The following PCDHGA5 variants were observed in gnomAD, a reference collection of about 807,000 sequenced individuals.
PCDHGA5 encodes the protein protocadherin gamma subfamily A, 5.
Under a neutral mutation model 56.7 loss-of-function variants are expected in PCDHGA5, and 36 were observed. The ratio of observed to expected loss-of-function variants is 0.64; its 90% confidence interval spans 0.49 to 0.84. The LOEUF (loss-of-function observed/expected upper bound fraction) is 0.84. Ranked by LOEUF, PCDHGA5 falls within the 40% of genes least tolerant of loss-of-function variation. The pLI is 0.00. For missense variants in PCDHGA5, 1,305 were observed against 1,201.5 expected, an observed-to-expected ratio of 1.09 and a Z score of -1.27; for synonymous variants, 563 against 520.2, an observed-to-expected ratio of 1.08 and a Z score of -1.12.
intron 1 of PCDHGA5, among the ~76,000 whole-genome samples, chr5:141,462,223 G>A (rs563764515): frequency 2.0e-5 from 3 of 152,144 alleles, no homozygotes; most frequent in Admixed American, 2.0e-4. Flanking sequence ...GCCTCCCAAA[G>A]TGCAGGGATT....
intron 1 of PCDHGA5, among the ~76,000 whole-genome samples, chr5:141,436,424 T>C (rs2154557109): frequency 6.6e-6 from 1 of 152,322 alleles, no homozygotes; most frequent in Middle Eastern, 3.4e-3. Context: ...AAACAAATAA[T>C]GTACTCTGGG....
At chr5:141,370,525 G>C in intron 1 of PCDHGA5, 1 of 1,613,874 alleles carries the variant, frequency 6.2e-7, no homozygotes, top group Non-Finnish European at 8.5e-7. Flanking sequence ...CTGGACAGGG[G>C]CTCGCTGGTA....
At chr5:141,495,492 G>C (rs1321150765) in intron 2 of PCDHGA5, among the ~76,000 whole-genome samples, 1 of 152,148 alleles carries the variant, frequency 6.6e-6, no homozygotes, top group Non-Finnish European at 1.5e-5. Flanking sequence ...CCTTTTTCTT[G>C]AGTTTCCGTC....
At chr5:141,376,676 G>GTTTTTTTTTTTTTTTTTTTTTTT (rs67197835) in intron 1 of PCDHGA5, 2 of 275,812 alleles carry the variant, frequency 7.3e-6, no homozygotes, top group Admixed American at 6.8e-5. Context: ...TGAGGGTATC[G>GTTTTTTTTTTTTTTTTTTTTTTT]TTTTTTTTTT....
intron 1 of PCDHGA5, among the ~76,000 whole-genome samples, chr5:141,463,314 A>G (rs1357327211): frequency 2.0e-5 from 3 of 151,098 alleles, no homozygotes; most frequent in Non-Finnish European, 2.9e-5. Context: ...TCTAATATCT[A>G]TTCCTCAACT....
At chr5:141,403,979 A>G in intron 1 of PCDHGA5, 1 of 1,613,932 alleles carries the variant, frequency 6.2e-7, no homozygotes, top group Non-Finnish European at 8.5e-7. Context: ...TGTAAATGAC[A>G]ATAGACCTGA....
intron 1 of PCDHGA5, among the ~76,000 whole-genome samples, chr5:141,482,052 T>G (rs2099551017): frequency 6.7e-6 from 1 of 150,154 alleles, no homozygotes; most frequent in Non-Finnish European, 1.5e-5. Flanking sequence ...GCTGTTGCAT[T>G]CCAGCCTGGG....
chr5:141,387,299 G>A (rs1405240674), intron 1 of PCDHGA5, among the ~76,000 whole-genome samples: 2 of 152,182 alleles, frequency 1.3e-5, no homozygotes, highest in South Asian at 2.1e-4. Flanking sequence ...AATGTATCCA[G>A]TATATTTCTA....
intron 1 of PCDHGA5, chr5:141,392,382 T>A (rs1463242705): frequency 6.5e-6 from 1 of 154,612 alleles, no homozygotes; most frequent in Non-Finnish European, 1.4e-5. Context: ...TCTGATCTAA[T>A]CTGATCATTT....
At chr5:141,409,172 G>A in intron 1 of PCDHGA5, 8 of 1,614,006 alleles carry the variant, frequency 5.0e-6, no homozygotes, top group Non-Finnish European at 6.8e-6. Context: ...AGCGAAGGAC[G>A]GAGGTGGTCT....
chr5:141,454,564 G>A (rs896426143), intron 1 of PCDHGA5, among the ~76,000 whole-genome samples: 1 of 151,874 alleles, frequency 6.6e-6, no homozygotes, highest in Non-Finnish European at 1.5e-5. Context: ...GTGCCACCAC[G>A]CCCGGCTAAT....
At position 141,432,297 on chromosome 5, in the gene PCDHGA5, T is replaced by C. The variant is rs1339659774; in HGVS notation, c.2422-62510T>C. 3.1e-6 allele frequency: 5 copies of C among 1,614,040 alleles called. No individual in the cohort carries two copies. The highest frequency in any genetic ancestry group is 1.7e-5 in the Admixed American group (1 of 60,006). ...GTGTCCATCAACTCCGACACTGGGG[T>C]ACTGTATGCGCTGAGCTCCTTCGAC... On this transcript the variant is annotated intron_variant, in intron 1 of 3. Transcript: ENST00000518069. This position sits in a 1 kb window ranked among gnomAD's most constrained non-coding sequence, Gnocchi z 6.0.
intron 1 of PCDHGA5, chr5:141,418,639 C>T (rs2096276711): frequency 6.2e-7 from 1 of 1,614,014 alleles, no homozygotes; most frequent in Non-Finnish European, 8.5e-7. Flanking sequence ...CAGGCACCTC[C>T]ATCCTGAGAG....
chr5:141,421,811 T>A, intron 1 of PCDHGA5: 1 of 1,613,766 alleles, frequency 6.2e-7, no homozygotes, highest in Non-Finnish European at 8.5e-7. Flanking sequence ...AATCCAGAGC[T>A]AGTACTGGAG....
At chr5:141,394,753 A>G (rs2093084981) in intron 1 of PCDHGA5, 1 of 1,613,278 alleles carries the variant, frequency 6.2e-7, no homozygotes, top group Admixed American at 1.7e-5. Context: ...GTGGCCGTCC[A>G]GGACCATGGC....
chr5:141,384,281 T>A, intron 1 of PCDHGA5: 2 of 1,613,774 alleles, frequency 1.2e-6, no homozygotes, highest in Non-Finnish European at 1.7e-6. Flanking sequence ...TCAGTCTACA[T>A]CGCTGAGAAC....
intron 1 of PCDHGA5, chr5:141,376,306 G>A (rs1772539310): frequency 6.2e-7 from 1 of 1,614,202 alleles, no homozygotes; most frequent in East Asian, 2.2e-5. Flanking sequence ...CGCACTTTGT[G>A]GGCGTGGAAG....
At chr5:141,372,690 A>G (rs1415110803) in intron 1 of PCDHGA5, 1 of 1,613,948 alleles carries the variant, frequency 6.2e-7, no homozygotes, top group East Asian at 2.2e-5. Context: ...CACCGAGTTT[A>G]AATTTCTCAA....
At position 141,486,791 on chromosome 5, in the gene PCDHGA5, C is replaced by T. The variant is rs766519569; in HGVS notation, c.2422-8016C>T. 1.8e-5 allele frequency: 29 copies of T among 1,614,108 alleles called. No homozygotes were observed. The highest frequency in any genetic ancestry group is 2.2e-5 in the Non-Finnish European group (26 of 1,180,054). On this transcript the variant is annotated intron_variant, in intron 1 of 3. Coordinates refer to ENST00000518069, the MANE Select transcript of PCDHGA5 (RefSeq NM_018918.3). The surrounding 1 kb of genome is among the most constrained non-coding windows in gnomAD (Gnocchi z 5.0). ...GCAGTTTGAGGTGCAGGCCCGGGAT[C>T]GGGGCAACCCACCCCTTAGCAGCAC...
Sources: gnomAD v4.1 joint callset for allele counts (sites outside exome capture counted in the v4.1 genomes callset) on GRCh38, gnomAD v4.1.1 for gene constraint, Gnocchi (gnomAD v3.1) non-coding constraint, MANE v1.5 for transcripts, NCBI Gene and HGNC (gene_info 2026-07-23, HGNC 2026-07-21) for gene names.